Variants in ANKRD27 observed in about 807,000 individuals in gnomAD.
ANKRD27 encodes ankyrin repeat domain 27.
ANKRD27 carries 112 observed loss-of-function variants against 129.7 expected under a neutral mutation model. The observed-to-expected ratio is 0.86, with a 90% CI of 0.74 to 1.01. The LOEUF (loss-of-function observed/expected upper bound fraction) is 1.01, where lower values mean the gene tolerates loss of function less well. Among genes scored for constraint, ANKRD27 ranks in the 50% least tolerant of loss-of-function variants. The pLI is 0.00. For synonymous variants in ANKRD27, 516 were observed against 511.2 expected (o/e 1.01, Z -0.13); for missense variants, 1,258 against 1,300.5 (o/e 0.97, Z 0.50).
In ANKRD27 at chr19:32,597,211, G is replaced by A. The variant is rs943194992; in HGVS notation, c.*934C>T. Reference sequence around the variant, plus strand: ...ACGGACTCAGGACAAACCCATATACGTGTAGCTCTAGGCCAATAACATAAA... The same window carrying A: ...ACGGACTCAGGACAAACCCATATACATGTAGCTCTAGGCCAATAACATAAA... On this transcript the variant is annotated 3_prime_UTR_variant, in exon 29 of 29. Transcript: ENST00000306065. 4.3e-5 allele frequency: 6 copies of A among 140,302 alleles called. No homozygotes were observed. The highest frequency in any genetic ancestry group is 6.4e-5 in the Non-Finnish European group (4 of 62,894). The allele number at this position is 140,302 out of a possible 1,614,324, so 8.7% of individuals were successfully genotyped here.
chr19:32,604,978 A>C (rs943474631), intron 24 of ANKRD27, among the ~76,000 whole-genome samples: 1 of 152,190 alleles, frequency 6.6e-6, no homozygotes, highest in Non-Finnish European at 1.5e-5. Context: ...AGGCTGAGGC[A>C]GGAGAATCGC....
At chr19:32,611,885 T>C (rs1187733156) in intron 22 of ANKRD27, among the ~76,000 whole-genome samples, 1 of 152,068 alleles carries the variant, frequency 6.6e-6, no homozygotes, top group Non-Finnish European at 1.5e-5. Context: ...CCGGCCAAAT[T>C]CATTTTCTAT....
chr19:32,627,757 C>T (rs1056998372), intron 15 of ANKRD27, among the ~76,000 whole-genome samples: 2 of 152,202 alleles, frequency 1.3e-5, no homozygotes, highest in Admixed American at 6.5e-5. Context: ...ACAAGAACTG[C>T]GAGCTGACGA....
At chr19:32,604,608 G>C (rs762256076) in intron 24 of ANKRD27, among the ~76,000 whole-genome samples, 184 bp from the exon 25 acceptor site, 2 of 152,164 alleles carry the variant, frequency 1.3e-5, no homozygotes, top group Non-Finnish European at 2.9e-5. Flanking sequence ...GTTCGCTGCA[G>C]CATTTATCCT....
At chr19:32,648,545 A>T (rs530360167) in intron 3 of ANKRD27, among the ~76,000 whole-genome samples, 1 of 152,336 alleles carries the variant, frequency 6.6e-6, no homozygotes, top group African/African-American at 2.4e-5. Flanking sequence ...GCACGCCTGT[A>T]ATCCCAGCAC....
intron 2 of ANKRD27, among the ~76,000 whole-genome samples, chr19:32,656,272 T>C (rs1967535227): frequency 6.6e-6 from 1 of 152,100 alleles, no homozygotes; most frequent in Admixed American, 6.6e-5. Flanking sequence ...TAAAGATATA[T>C]ATGAAAATAT....
chr19:32,629,470 C>T (rs1042943721), intron 13 of ANKRD27, among the ~76,000 whole-genome samples: 1 of 152,124 alleles, frequency 6.6e-6, no homozygotes, highest in Admixed American at 6.5e-5. Flanking sequence ...GAGGCCAAGG[C>T]AGGTGGCTCA....
At chr19:32,619,037 A>G (rs537386310) in intron 20 of ANKRD27, among the ~76,000 whole-genome samples, 1 of 152,372 alleles carries the variant, frequency 6.6e-6, no homozygotes, top group South Asian at 2.1e-4. Flanking sequence ...ATTGCTGCTC[A>G]GGGAGTGGTC....
chr19:32,636,923 T>A (rs1967102155), intron 12 of ANKRD27, among the ~76,000 whole-genome samples: 1 of 152,046 alleles, frequency 6.6e-6, no homozygotes, highest in South Asian at 2.1e-4. Flanking sequence ...AATTCTTGTA[T>A]TTTTAGTAGA....
chr19:32,635,340 T>C (rs1000107241), intron 12 of ANKRD27, among the ~76,000 whole-genome samples: 2 of 152,054 alleles, frequency 1.3e-5, no homozygotes, highest in Non-Finnish European at 2.9e-5. Flanking sequence ...AAACACAAGT[T>C]CCCACAGCCT....
intron 2 of ANKRD27, chr19:32,654,912 G>C (rs1395686933): frequency 6.6e-6 from 1 of 152,200 alleles, no homozygotes; most frequent in Non-Finnish European, 1.5e-5. Flanking sequence ...CATCCAAGCA[G>C]CTGGGATTAC....
chr19:32,642,823 C>G (rs944014751), intron 9 of ANKRD27, among the ~76,000 whole-genome samples: 4 of 152,056 alleles, frequency 2.6e-5, no homozygotes, highest in Admixed American at 2.6e-4. Flanking sequence ...GTGGGATGTC[C>G]CCTGCACGCA....
intron 23 of ANKRD27, 130 bp from the exon 24 acceptor site, chr19:32,606,084 A>T: frequency 1.3e-6 from 1 of 798,134 alleles, no homozygotes; most frequent in Non-Finnish European, 1.8e-6. Context: ...GAAATGCTCA[A>T]GTTTGATATT....
Position 32,644,307 on chromosome 19 carries a change from G to A in ANKRD27, c.525+18C>T. Reference sequence around the variant, plus strand: ...CCGAGACAGGGCACGCCAGGCAGAGGACAGCACGGCTACTGACTATGTGGT... The same window carrying A: ...CCGAGACAGGGCACGCCAGGCAGAGAACAGCACGGCTACTGACTATGTGGT... On this transcript the variant is annotated intron_variant, in intron 5 of 28. Coordinates refer to ENST00000306065, the MANE Select transcript of ANKRD27 (RefSeq NM_032139.3). The A allele has an allele frequency of 1.9e-6, 3 of 1,607,952 alleles. No individual in the cohort carries two copies. Among genetic ancestry groups the A allele is most frequent in the African/African-American group, 1.3e-5 (1 of 74,924 alleles).
rs191023196 is a variant in ANKRD27, at chr19:32,598,404, G to A, written c.2920-26C>T. 3.6e-3 allele frequency: 5,821 copies of A among 1,608,354 alleles called. 18 individuals carry two copies. Among genetic ancestry groups the A allele is most frequent in the Admixed American group, 5.0e-3 (297 of 59,996 alleles). ...CTAAAGAAAAAGTACATTTTTAACC[G>A]TTGACGTCCTCACTGTACTGGAAGC... On this transcript the variant is annotated intron_variant, in intron 28 of 28. Coordinates refer to ENST00000306065, the MANE Select transcript of ANKRD27 (RefSeq NM_032139.3).
chr19:32,608,336 G>C, intron 22 of ANKRD27: 1 of 276,756 alleles, frequency 3.6e-6, no homozygotes, highest in East Asian at 1.0e-4. Flanking sequence ...TTTTTCACCA[G>C]GGCTGTAGAG....
chr19:32,622,469 G>A lies in ANKRD27; in HGVS notation c.1780C>T (p.Gln594Ter). The change falls in exon 18 of 29, where the codon CAG (glutamine) becomes TAG (stop). Residue 594 changes from glutamine to a stop codon, truncating the protein, a stop_gained. Coordinates refer to ENST00000306065, the MANE Select transcript of ANKRD27 (RefSeq NM_032139.3). LOFTEE classifies it high-confidence loss of function. ...LLQNGASTEI[Q>*]NRLKETPLKC... Reference sequence around the variant, plus strand: ...AGGGGCGTCTCCTTCAGTCTGTTCTGGATCTCGGTGGACGCTCCGTTCTGC... The same window carrying A: ...AGGGGCGTCTCCTTCAGTCTGTTCTAGATCTCGGTGGACGCTCCGTTCTGC... The A allele has an allele frequency of 1.2e-6, 2 of 1,613,876 alleles. No individual in the cohort carries two copies. The highest frequency in any genetic ancestry group is 4.5e-5 in the East Asian group (2 of 44,876).
At chr19:32,659,176 T>C (rs1420145721) in intron 1 of ANKRD27, 131 bp from the exon 2 acceptor site, 10 of 555,086 alleles carry the variant, frequency 1.8e-5, no homozygotes, top group Non-Finnish European at 2.2e-5. Flanking sequence ...TCTCACTCTG[T>C]CGCCCAGGCT....
At chr19:32,643,253 C>T (rs774419777) in intron 8 of ANKRD27, 34 bp downstream of exon 8, 2 of 1,613,774 alleles carry the variant, frequency 1.2e-6, no homozygotes, top group Non-Finnish European at 1.7e-6. Flanking sequence ...CAGAAGAAGG[C>T]TTCCATCTTG....
Sources: allele counts gnomAD v4.1 joint callset (sites outside exome capture counted in the v4.1 genomes callset), GRCh38; gene constraint gnomAD v4.1.1; transcripts MANE v1.5; gene names NCBI Gene and HGNC (gene_info 2026-07-23, HGNC 2026-07-21).